Variants in FYN observed in about 807,000 individuals in gnomAD.
FYN encodes tyrosine-protein kinase Fyn.
FYN carries 10 observed loss-of-function variants against 70.2 expected under a neutral mutation model. That is an observed-to-expected ratio of 0.14 (90% CI 0.09 to 0.24). The LOEUF is 0.24. FYN is among the 10% of genes least tolerant of loss of function. FYN has a pLI of 1.00. For synonymous variants in FYN, 236 were observed against 248.6 expected (o/e 0.95, Z 0.48); for missense variants, 319 against 673.1 (o/e 0.47, Z 5.82).
Position 111,700,065 on chromosome 6 carries a change from C to T in FYN, c.862+39G>A, listed in dbSNP as rs757253149. The T allele has an allele frequency of 6.3e-6, 10 of 1,589,446 alleles. No homozygotes were observed. The East Asian group carries it at 6.7e-5, about 11-fold the overall frequency. On this transcript the variant is annotated intron_variant, in intron 9 of 13. Coordinates refer to ENST00000354650, the MANE Select transcript of FYN (RefSeq NM_002037.5). ...TCTTTGGTGTTTGGGATCTTCCAAA[C>T]GGGGAAGCTAATAAGAGAGTAATTG...
chr6:111,810,650 C>T lies in FYN; in HGVS notation c.-81-30015G>A, dbSNP rs1403492653. ...ATGTATGCTGTCTTTTTTCTTCTTA[C>T]AAATACGAGTGTGAAGCCCAGTGCC... On this transcript the variant is annotated intron_variant, in intron 2 of 13. Coordinates refer to ENST00000354650, the MANE Select transcript of FYN (RefSeq NM_002037.5). 2.0e-5 allele frequency among the ~76,000 whole-genome samples: 3 copies of T among 152,154 alleles called. No individual in the cohort carries two copies. The East Asian group carries it at 5.8e-4, about 29-fold the overall frequency.
intron 3 of FYN, among the ~76,000 whole-genome samples, chr6:111,763,803 C>G (rs1803101578): frequency 6.6e-6 from 1 of 152,112 alleles, no homozygotes; most frequent in Non-Finnish European, 1.5e-5. Context: ...TGCTTGAGCA[C>G]TTACTAGCTG....
At chr6:111,837,882 A>ATCAAT (rs1773239427) in intron 2 of FYN, among the ~76,000 whole-genome samples, 1 of 152,186 alleles carries the variant, frequency 6.6e-6, no homozygotes, top group Non-Finnish European at 1.5e-5. Flanking sequence ...GACTATGCAA[A>ATCAAT]TGCACAAATT....
chr6:111,846,793 C>T (rs1157442258), intron 1 of FYN, among the ~76,000 whole-genome samples, 164 bp from the exon 2 acceptor site: 2 of 152,152 alleles, frequency 1.3e-5, no homozygotes, highest in Non-Finnish European at 2.9e-5. Context: ...GTCACAGTTG[C>T]CACAAACACC....
intron 2 of FYN, among the ~76,000 whole-genome samples, chr6:111,819,667 C>G (rs1026679620): frequency 2.0e-5 from 3 of 151,924 alleles, no homozygotes; most frequent in African/African-American, 7.3e-5. Flanking sequence ...TTTCTACTTT[C>G]CTGTTTCTTT....
chr6:111,833,652 C>T (rs1773091245), intron 2 of FYN, among the ~76,000 whole-genome samples: 1 of 152,214 alleles, frequency 6.6e-6, no homozygotes, highest in South Asian at 2.1e-4. Flanking sequence ...ACATCCTTCT[C>T]TTCATTTCCC....
chr6:111,692,100 T>A (rs968056055), intron 12 of FYN, among the ~76,000 whole-genome samples: 2 of 142,980 alleles, frequency 1.4e-5, no homozygotes, highest in East Asian at 4.0e-4. Flanking sequence ...CAAGCTTCAT[T>A]TCCCCCCCCC....
intron 2 of FYN, among the ~76,000 whole-genome samples, chr6:111,783,599 T>C (rs1285174994): frequency 6.6e-6 from 1 of 152,270 alleles, no homozygotes; most frequent in African/African-American, 2.4e-5. Context: ...GTAACAATTC[T>C]GCTTTTAATA....
Position 111,719,913 on chromosome 6 carries a change from T to A in FYN, c.139A>T (p.Ile47Phe). 2 of 1,614,186 alleles carry A rather than the reference T, an allele frequency of 1.2e-6. No homozygotes were observed. The highest frequency in any genetic ancestry group is 1.7e-6 in the Non-Finnish European group (2 of 1,180,024). ...GCGTGGAAGTTGTTGTAGTTGGGGATGGAGGTCACACCGAAGCTGGGGTAG... is the reference window on the plus strand; with the variant it reads ...GCGTGGAAGTTGTTGTAGTTGGGGAAGGAGGTCACACCGAAGCTGGGGTAG... The part of the protein sequence containing the change: ...QHYPSFGVTS[I>F]PNYNNFHAAG... Residue 47 changes from isoleucine (I) to phenylalanine (F), a missense_variant, in exon 4 of 14, where the codon ATC (isoleucine) becomes TTC (phenylalanine). Physicochemically the swap from Ile to Phe is conservative, Grantham distance 21. Coordinates refer to ENST00000354650, the MANE Select transcript of FYN (RefSeq NM_002037.5).
intron 3 of FYN, among the ~76,000 whole-genome samples, chr6:111,749,948 A>T (rs1007852502): frequency 7.2e-5 from 11 of 152,022 alleles, no homozygotes; most frequent in African/African-American, 2.4e-4. Flanking sequence ...AAAAAAAAAA[A>T]TCCCATAATT....
At chr6:111,701,604 T>G (rs907443430) in intron 8 of FYN, among the ~76,000 whole-genome samples, 2 of 152,192 alleles carry the variant, frequency 1.3e-5, no homozygotes, top group Admixed American at 6.5e-5. Flanking sequence ...TCATATCCCC[T>G]CTTTCCTTCC....
chr6:111,678,979 C>G (rs539792807), intron 12 of FYN, among the ~76,000 whole-genome samples: 4 of 152,276 alleles, frequency 2.6e-5, no homozygotes, highest in East Asian at 3.9e-4. Flanking sequence ...CATGTCCCCC[C>G]CTGGGTTTCT....
intron 3 of FYN, among the ~76,000 whole-genome samples, chr6:111,742,348 G>C (rs968285090): frequency 6.6e-6 from 1 of 152,134 alleles, no homozygotes; most frequent in African/African-American, 2.4e-5. Context: ...ACATCTTCCA[G>C]TGTAGAAAAA....
intron 2 of FYN, among the ~76,000 whole-genome samples, chr6:111,829,225 A>G (rs1359313927): frequency 1.3e-5 from 2 of 152,332 alleles, no homozygotes. Context: ...TCATCCTCTC[A>G]TAGAGGAGAA....
At chr6:111,671,010 C>T (rs1472817671) in intron 13 of FYN, among the ~76,000 whole-genome samples, 1 of 152,188 alleles carries the variant, frequency 6.6e-6, no homozygotes, top group African/African-American at 2.4e-5. Context: ...GCAAGCTAGA[C>T]TGCAATGCAG....
At chr6:111,790,396 C>T (rs560813027) in intron 2 of FYN, among the ~76,000 whole-genome samples, 3 of 152,120 alleles carry the variant, frequency 2.0e-5, no homozygotes, top group Admixed American at 1.3e-4. Context: ...CATGGCCATC[C>T]TCCTGGCCTA....
chr6:111,776,790 A>T (rs1045130039), intron 3 of FYN, among the ~76,000 whole-genome samples: 2 of 152,208 alleles, frequency 1.3e-5, no homozygotes, highest in Non-Finnish European at 2.9e-5. Flanking sequence ...CCTATATCAT[A>T]AATTGACATA....
At chr6:111,751,353 G>C (rs891010211) in intron 3 of FYN, among the ~76,000 whole-genome samples, 2 of 152,160 alleles carry the variant, frequency 1.3e-5, no homozygotes, top group African/African-American at 4.8e-5. Context: ...CAGAACGCCA[G>C]AACTGCTGTC....
chr6:111,676,324 G>A (rs1409646032), intron 12 of FYN: 2 of 152,096 alleles, frequency 1.3e-5, no homozygotes, highest in African/African-American at 4.8e-5. Context: ...ATTAACACTG[G>A]AGCAGAAAAG....
Sources: gnomAD v4.1 joint callset for allele counts (sites outside exome capture counted in the v4.1 genomes callset) on GRCh38, gnomAD v4.1.1 for gene constraint, MANE v1.5 for transcripts, NCBI Gene and HGNC (gene_info 2026-07-23, HGNC 2026-07-21) for gene names.